Variants in USP12 observed in about 807,000 individuals in gnomAD.
USP12 encodes the protein ubiquitin carboxyl-terminal hydrolase 12.
A neutral mutation model predicts 45.5 loss-of-function variants in USP12; 19 were observed. That is an observed-to-expected ratio of 0.42 (90% CI 0.29 to 0.61). The LOEUF (loss-of-function observed/expected upper bound fraction) is 0.61. Among genes scored for constraint, USP12 ranks in the 20% least tolerant of loss-of-function variants. The pLI, the probability that USP12 is intolerant of heterozygous loss-of-function variation, is 0.22. For synonymous variants in USP12, 149 were observed against 148.8 expected (o/e 1.00, Z -0.01); for missense variants, 242 against 447.7 (o/e 0.54, Z 4.15).
chr13:27,168,152 A>G (rs1406143547), intron 1 of USP12, among the ~76,000 whole-genome samples: 1 of 152,066 alleles, frequency 6.6e-6, no homozygotes, highest in Non-Finnish European at 1.5e-5. Flanking sequence ...CATTACCACC[A>G]TGTTCTAATG....
chr13:27,158,812 G>A (rs909696987), intron 1 of USP12, among the ~76,000 whole-genome samples: 2 of 152,134 alleles, frequency 1.3e-5, no homozygotes, highest in East Asian at 3.8e-4. Flanking sequence ...CAATATGATA[G>A]ACATTGAAGA....
At chr13:27,145,359 C>G (rs1296817967) in intron 1 of USP12, among the ~76,000 whole-genome samples, 8 of 152,132 alleles carry the variant, frequency 5.3e-5, no homozygotes, top group African/African-American at 1.9e-4. Context: ...CCCATTTGGC[C>G]AAGAAATTAA....
intron 7 of USP12, among the ~76,000 whole-genome samples, chr13:27,071,358 C>T (rs1873239014): frequency 6.6e-6 from 1 of 152,058 alleles, no homozygotes; most frequent in Non-Finnish European, 1.5e-5. Flanking sequence ...ATAATTAGTA[C>T]TCTAAGAGAT....
intron 1 of USP12, among the ~76,000 whole-genome samples, chr13:27,128,906 A>G (rs900774649): frequency 6.6e-6 from 1 of 152,234 alleles, no homozygotes; most frequent in Non-Finnish European, 1.5e-5. Flanking sequence ...GAAAATCACT[A>G]TATAAATACA....
intron 1 of USP12, among the ~76,000 whole-genome samples, chr13:27,158,169 CTG>C (rs1417339491): frequency 6.6e-6 from 1 of 152,066 alleles, no homozygotes; most frequent in Non-Finnish European, 1.5e-5. Flanking sequence ...TCCAGTGTGA[CTG>C]GTGTCTGTGT....
At chr13:27,105,594 A>G (rs1875095396) in intron 3 of USP12, 137 bp downstream of exon 3, 1 of 775,668 alleles carries the variant, frequency 1.3e-6, no homozygotes, top group Non-Finnish European at 2.0e-6. Context: ...CTCTTTGAAG[A>G]AAGGCGTGTC....
intron 1 of USP12, among the ~76,000 whole-genome samples, chr13:27,126,293 T>C (rs1876235679): frequency 6.6e-6 from 1 of 152,110 alleles, no homozygotes; most frequent in Non-Finnish European, 1.5e-5. Flanking sequence ...CAGGCAGCAA[T>C]ATTTGCTGTT....
intron 6 of USP12, among the ~76,000 whole-genome samples, chr13:27,075,814 G>A (rs942243251): frequency 6.6e-6 from 1 of 152,114 alleles, no homozygotes; most frequent in African/African-American, 2.4e-5. Flanking sequence ...TGGATCACCT[G>A]AGGTCATGAG....
intron 1 of USP12, among the ~76,000 whole-genome samples, chr13:27,137,767 C>T (rs558065263): frequency 2.0e-5 from 3 of 152,262 alleles, no homozygotes; most frequent in South Asian, 2.1e-4. Context: ...TAGAAAATGA[C>T]GGAAGAGATG....
chr13:27,072,105 T>G (rs1593168794), intron 7 of USP12, among the ~76,000 whole-genome samples: 2 of 109,928 alleles, frequency 1.8e-5, no homozygotes, highest in Admixed American at 1.8e-4. Flanking sequence ...CAAAAATACT[T>G]TTTTTTTTTT....
intron 1 of USP12, among the ~76,000 whole-genome samples, chr13:27,153,216 C>G (rs1010220212): frequency 6.6e-6 from 1 of 151,710 alleles, no homozygotes; most frequent in African/African-American, 2.4e-5. Context: ...ACCTGTAATA[C>G]CAGCTACTTG....
intron 2 of USP12, among the ~76,000 whole-genome samples, chr13:27,108,121 T>G (rs1473823779): frequency 6.6e-6 from 1 of 151,924 alleles, no homozygotes; most frequent in East Asian, 1.9e-4. Context: ...TAGCAAAGAC[T>G]TGGAACCAAC....
intron 1 of USP12, chr13:27,169,190 A>G (rs548313816): frequency 3.5e-4 from 54 of 152,340 alleles, no homozygotes; most frequent in African/African-American, 1.2e-3. Context: ...AGTAAGTATG[A>G]TAAGTGCTAC....
At chr13:27,155,652 A>C (rs1210242817) in intron 1 of USP12, among the ~76,000 whole-genome samples, 2 of 152,206 alleles carry the variant, frequency 1.3e-5, no homozygotes, top group Non-Finnish European at 2.9e-5. Flanking sequence ...TATAACCCTG[A>C]GGCGGAACAT....
chr13:27,132,245 A>G (rs1876536642), intron 1 of USP12, among the ~76,000 whole-genome samples: 1 of 152,210 alleles, frequency 6.6e-6, no homozygotes, highest in Non-Finnish European at 1.5e-5. Flanking sequence ...GCAATTAACT[A>G]GAAAGAGTAG....
At chr13:27,106,733 AC>A (rs1400253422) in intron 2 of USP12, among the ~76,000 whole-genome samples, 1 of 152,184 alleles carries the variant, frequency 6.6e-6, no homozygotes, top group African/African-American at 2.4e-5. Flanking sequence ...GGAAGGATAA[AC>A]AAAAAGCTAA....
intron 1 of USP12, 39 bp from the exon 2 acceptor site, chr13:27,116,635 G>A: frequency 6.3e-7 from 1 of 1,587,462 alleles, no homozygotes. Context: ...ATTTATAGTA[G>A]TCATGCACCA....
chr13:27,094,852 T>C (rs1485500863), intron 4 of USP12, among the ~76,000 whole-genome samples: 1 of 152,024 alleles, frequency 6.6e-6, no homozygotes, highest in Non-Finnish European at 1.5e-5. Context: ...GAAAATGCTA[T>C]AAAGAACATG....
chr13:27,128,825 G>A (rs886492412), intron 1 of USP12, among the ~76,000 whole-genome samples: 3 of 152,124 alleles, frequency 2.0e-5, no homozygotes, highest in Non-Finnish European at 2.9e-5. Flanking sequence ...AAACATGAAC[G>A]CTTCTATTTT....
Sources: allele counts gnomAD v4.1 joint callset (sites outside exome capture counted in the v4.1 genomes callset), GRCh38; gene constraint gnomAD v4.1.1; transcripts MANE v1.5; gene names NCBI Gene and HGNC (gene_info 2026-07-23, HGNC 2026-07-21).